The following POU3F3 variants were observed in gnomAD, a reference collection of about 807,000 sequenced individuals.
POU3F3 encodes POU domain, class 3, transcription factor 3.
POU3F3 carries 1 observed loss-of-function variant against 8.6 expected under a neutral mutation model. The observed-to-expected ratio is 0.12, with a 90% CI of 0.04 to 0.55. POU3F3 has a LOEUF of 0.55. POU3F3 is among the 20% of genes least tolerant of loss of function. The probability of loss-of-function intolerance (pLI) is 0.91; values close to 1 mark genes in which losing one functional copy is unlikely to be tolerated. For synonymous variants in POU3F3, 418 were observed against 327.4 expected (o/e 1.28, Z -2.99); for missense variants, 577 against 690.7 (o/e 0.84, Z 1.84).
At chr2:104,909,521 C>A in the POU3F3 span, among the ~76,000 whole-genome samples, 1 of 152,246 alleles carries the variant, frequency 6.6e-6, no homozygotes, top group Non-Finnish European at 1.5e-5. Flanking sequence ...TGCCCCTGTT[C>A]CGGCCGGACA....
the POU3F3 span, among the ~76,000 whole-genome samples, chr2:104,887,128 G>A: frequency 2.6e-5 from 4 of 152,080 alleles, no homozygotes; most frequent in Admixed American, 6.5e-5. Context: ...AAACAGTCAC[G>A]GCACTGGTGG....
the POU3F3 span, among the ~76,000 whole-genome samples, chr2:104,869,019 C>T: frequency 1.5e-4 from 23 of 152,148 alleles, no homozygotes. Context: ...AAAGAAAGAA[C>T]TGAAAACAGG....
chr2:104,921,087 C>A, the POU3F3 span, among the ~76,000 whole-genome samples: 5 of 152,132 alleles, frequency 3.3e-5, no homozygotes, highest in African/African-American at 7.2e-5. Flanking sequence ...TATCTTTACT[C>A]TATGAGATAG....
the POU3F3 span, among the ~76,000 whole-genome samples, chr2:104,898,743 G>A: frequency 6.6e-6 from 1 of 152,134 alleles, no homozygotes; most frequent in Non-Finnish European, 1.5e-5. Flanking sequence ...TTTAGAATGA[G>A]ATCATTTCCC....
the POU3F3 span, among the ~76,000 whole-genome samples, chr2:104,891,918 C>T: frequency 6.6e-6 from 1 of 152,166 alleles, no homozygotes. Flanking sequence ...TGGATAAATA[C>T]ATTATTTAGA....
At chr2:104,907,040 C>T in the POU3F3 span, among the ~76,000 whole-genome samples, 1 of 152,178 alleles carries the variant, frequency 6.6e-6, no homozygotes, top group Non-Finnish European at 1.5e-5. Context: ...CTTTCAGTGG[C>T]ATATTGCACG....
chr2:104,887,180 AT>A, the POU3F3 span, among the ~76,000 whole-genome samples: 1 of 152,020 alleles, frequency 6.6e-6, no homozygotes, highest in Admixed American at 6.6e-5. Flanking sequence ...TCTCATCACC[AT>A]CTTGGTTTTG....
chr2:104,910,618 T>C, the POU3F3 span, among the ~76,000 whole-genome samples: 4 of 152,198 alleles, frequency 2.6e-5, no homozygotes, highest in Admixed American at 6.5e-5. Flanking sequence ...GCTAAAGATA[T>C]AGTAAGTACT....
the POU3F3 span, among the ~76,000 whole-genome samples, chr2:104,920,107 C>T: frequency 9.9e-5 from 15 of 152,152 alleles, no homozygotes; most frequent in African/African-American, 4.8e-5. Context: ...CTCTACCTCC[C>T]GGGTTCAAGG....
At chr2:104,868,018 C>T in the POU3F3 span, 1 of 345,196 alleles carries the variant, frequency 2.9e-6, no homozygotes, top group Non-Finnish European at 5.7e-6. Context: ...CGACCTCCAG[C>T]TGGTGGGTAG....
chr2:104,892,247 G>C, the POU3F3 span, among the ~76,000 whole-genome samples: 3 of 152,182 alleles, frequency 2.0e-5, no homozygotes, highest in African/African-American at 7.2e-5. Context: ...ATCACAGAGA[G>C]AGCAAGAGCA....
chr2:104,874,573 T>C, the POU3F3 span, among the ~76,000 whole-genome samples: 1 of 152,074 alleles, frequency 6.6e-6, no homozygotes, highest in Non-Finnish European at 1.5e-5. Flanking sequence ...GCCCTGGAGT[T>C]GAACAGTGTG....
the POU3F3 span, among the ~76,000 whole-genome samples, chr2:104,883,392 T>C: frequency 6.6e-6 from 1 of 152,234 alleles, no homozygotes; most frequent in Non-Finnish European, 1.5e-5. Context: ...GGTTTTGTTT[T>C]GTTTTGTTTT....
the POU3F3 span, among the ~76,000 whole-genome samples, chr2:104,890,375 CGGTTGTGTGACAA>C: frequency 1.3e-5 from 2 of 152,184 alleles, no homozygotes; most frequent in Admixed American, 6.5e-5. Flanking sequence ...TGATCTTTCT[CGGTTGTGTGACAA>C]GAACCTGACT....
the POU3F3 span, among the ~76,000 whole-genome samples, chr2:104,912,454 G>GC: frequency 6.6e-6 from 1 of 151,870 alleles, no homozygotes; most frequent in African/African-American, 2.4e-5. Context: ...ATGTGGTGTG[G>GC]GGGGCCCCCA....
the POU3F3 span, among the ~76,000 whole-genome samples, chr2:104,888,553 T>G: frequency 9.9e-5 from 15 of 152,276 alleles, no homozygotes; most frequent in East Asian, 2.7e-3. Context: ...AAGTGAAATG[T>G]CTTTCAAGGC....
the POU3F3 span, chr2:104,867,012 G>A: frequency 6.6e-6 from 1 of 152,224 alleles, no homozygotes; most frequent in African/African-American, 2.4e-5. The surrounding 1 kb of genome is among the most constrained non-coding windows in gnomAD (Gnocchi z 5.0). Context: ...CCTTAGCCTG[G>A]GTGGGCAGAT....
the POU3F3 span, among the ~76,000 whole-genome samples, chr2:104,881,150 C>CTTTCTTTCTTTCTTTCTTTCTTTCTTT: frequency 4.1e-5 from 3 of 72,712 alleles, no homozygotes; most frequent in Non-Finnish European, 3.0e-5. Flanking sequence ...TTCTTTCTTT[C>CTTTCTTTCTTTCTTTCTTTCTTTCTTT]CTTTCTTTCC....
chr2:104,865,644 G>T, the POU3F3 span: 1 of 152,128 alleles, frequency 6.6e-6, no homozygotes, highest in Non-Finnish European at 1.5e-5. Context: ...TCATTTCAAA[G>T]AATTTTCCTT....
Sources: gnomAD v4.1 joint callset for allele counts (sites outside exome capture counted in the v4.1 genomes callset) on GRCh38, gnomAD v4.1.1 for gene constraint, Gnocchi (gnomAD v3.1) non-coding constraint, MANE v1.5 for transcripts, NCBI Gene and HGNC (gene_info 2026-07-23, HGNC 2026-07-21) for gene names.